PKHD1: variants seen among roughly 807,000 people sequenced by gnomAD.
The protein encoded by PKHD1 is fibrocystin.
PKHD1 carries 291 observed loss-of-function variants against 412.0 expected under a neutral mutation model. That is an observed-to-expected ratio of 0.71 (90% CI 0.64 to 0.78). The LOEUF (loss-of-function observed/expected upper bound fraction) is 0.78. PKHD1 is among the 30% of genes least tolerant of loss of function. PKHD1 has a pLI of 0.00. For missense variants in PKHD1, 4,825 were observed against 4,950.7 expected, an observed-to-expected ratio of 0.97 and a Z score of 0.76; for synonymous variants, 1,777 against 1,821.5, an observed-to-expected ratio of 0.98 and a Z score of 0.62.
intron 66 of PKHD1, among the ~76,000 whole-genome samples, chr6:51,626,342 C>G (rs979765889): frequency 2.0e-5 from 3 of 152,186 alleles, no homozygotes; most frequent in African/African-American, 7.2e-5. Context: ...CATACCCATA[C>G]TTGGCAAAGC....
chr6:51,709,930 T>C lies in PKHD1; in HGVS notation c.10156+34455A>G, dbSNP rs112083393. Among the ~76,000 whole-genome samples the C allele has an allele frequency of 7.0e-3, 1,058 of 151,570 alleles. 5 individuals carry two copies. Among genetic ancestry groups the C allele is most frequent in the Non-Finnish European group, 0.013 (867 of 67,970 alleles). On this transcript the variant is annotated intron_variant, in intron 60 of 66. Transcript: ENST00000371117. ...CAGGACTGATTTAAAAGGAATTGGC[T>C]GGGCACGGTGGCTCATGCCTGTAAT...
chr6:52,051,095 G>A (rs1033737771), intron 21 of PKHD1, among the ~76,000 whole-genome samples: 1 of 152,184 alleles, frequency 6.6e-6, no homozygotes, highest in South Asian at 2.1e-4. Flanking sequence ...CATAGACTAG[G>A]TGGTCAATAA....
In PKHD1 at chr6:51,917,159, G is replaced by A. The variant is rs139703563; in HGVS notation, c.6122-4583C>T. 8.9e-5 allele frequency among the ~76,000 whole-genome samples: 13 copies of A among 146,546 alleles called. No individual in the cohort carries two copies. In the East Asian group the frequency reaches 2.3e-3, roughly 26 times the overall value. ...AAGGCCTTTCAAAATCATTTAGGGT[G>A]GGGGAGGGAGAGAGGGAGAGAGGGA... On this transcript the variant is annotated intron_variant, in intron 37 of 66. Transcript: ENST00000371117.
At chr6:52,046,277 T>G in intron 23 of PKHD1, 89 bp from the exon 24 acceptor site, 1 of 999,238 alleles carries the variant, frequency 1.0e-6, no homozygotes, top group Non-Finnish European at 1.6e-6. Context: ...CGATACATAC[T>G]AGGATGCCTA....
At chr6:52,003,382 A>C (rs527585968) in intron 35 of PKHD1, among the ~76,000 whole-genome samples, 3 of 152,146 alleles carry the variant, frequency 2.0e-5, no homozygotes, top group Admixed American at 2.0e-4. Context: ...ACTTAAGAAA[A>C]TGATCTCTAG....
In PKHD1 at chr6:51,627,142, T is replaced by C. The variant is rs749928670; in HGVS notation, c.11666-26A>G. 16 of 1,599,388 alleles carry C rather than the reference T, an allele frequency of 1.0e-5. No homozygotes were observed. The African/African-American group carries it at 2.1e-4, about 21-fold the overall frequency. Reference sequence around the variant, plus strand: ...CTGTATTAATGGAGAAGAAAAAGGATTTTTTTGTTCAGTTGTAAGTGGGAC... The same window carrying C: ...CTGTATTAATGGAGAAGAAAAAGGACTTTTTTGTTCAGTTGTAAGTGGGAC... On this transcript the variant is annotated intron_variant, in intron 65 of 66. Coordinates refer to ENST00000371117, the MANE Select transcript of PKHD1 (RefSeq NM_138694.4).
intron 11 of PKHD1, among the ~76,000 whole-genome samples, chr6:52,067,264 CT>C (rs199620465): frequency 2.0e-5 from 3 of 151,436 alleles, no homozygotes; most frequent in Non-Finnish European, 4.4e-5. Flanking sequence ...TTTATAATTT[CT>C]TTTTTTTTAC....
In PKHD1 at chr6:51,868,128, A is replaced by G. The variant is rs767690008; in HGVS notation, c.7487-19T>C. The G allele has an allele frequency of 1.1e-5, 17 of 1,602,598 alleles. No individual in the cohort carries two copies. The Middle Eastern group carries it at 4.9e-4, about 47-fold the overall frequency. On this transcript the variant is annotated intron_variant, in intron 47 of 66. Transcript: ENST00000371117. ...AATCCACCTATAAATTGGAAAACAGAAAGATTATTACACAATGGCACAAAT... is the reference window on the plus strand; with the variant it reads ...AATCCACCTATAAATTGGAAAACAGGAAGATTATTACACAATGGCACAAAT...
intron 64 of PKHD1, among the ~76,000 whole-genome samples, chr6:51,633,914 C>T (rs1768227721): frequency 6.6e-6 from 1 of 151,850 alleles, no homozygotes; most frequent in African/African-American, 2.4e-5. Context: ...TGAAAACTTG[C>T]CTTTAATTTT....
intron 60 of PKHD1, among the ~76,000 whole-genome samples, chr6:51,737,363 G>C (rs150605448): frequency 0.01 from 1,570 of 152,180 alleles, 13 homozygotes; most frequent in Non-Finnish European, 0.016. Context: ...TATTATGAAA[G>C]TGACATTTTG....
chr6:51,893,391 A>G (rs1292472737), intron 43 of PKHD1, among the ~76,000 whole-genome samples: 1 of 152,210 alleles, frequency 6.6e-6, no homozygotes, highest in Admixed American at 6.5e-5. Flanking sequence ...GATCACATAT[A>G]AACACTTTCC....
chr6:52,073,706 T>A (rs1810970720), intron 6 of PKHD1, among the ~76,000 whole-genome samples, 165 bp from the exon 7 acceptor site: 1 of 152,208 alleles, frequency 6.6e-6, no homozygotes, highest in African/African-American at 2.4e-5. Context: ...GTCAAGGGTA[T>A]GATTTAGTGA....
chr6:51,788,483 CACAAGCAGAAG>C (rs1793232588), intron 53 of PKHD1, among the ~76,000 whole-genome samples: 1 of 150,686 alleles, frequency 6.6e-6, no homozygotes, highest in Non-Finnish European at 1.5e-5. Flanking sequence ...CAAATGGTAG[CACAAGCAGAAG>C]ACAGGAGGGA....
chr6:51,791,524 G>A (rs901110570), intron 52 of PKHD1, 151 bp from the exon 53 acceptor site: 10 of 715,802 alleles, frequency 1.4e-5, no homozygotes, highest in Non-Finnish European at 2.4e-5. Flanking sequence ...TCTGCCAAAA[G>A]CTAGGACTTA....
intron 35 of PKHD1, among the ~76,000 whole-genome samples, chr6:51,982,230 T>G (rs1795497464): frequency 3.6e-5 from 1 of 28,068 alleles, no homozygotes; most frequent in Admixed American, 5.4e-4. Flanking sequence ...ATCCGGGAGG[T>G]GAGGGGCGCT....
At chr6:51,971,324 G>A (rs1472170745) in intron 35 of PKHD1, among the ~76,000 whole-genome samples, 4 of 152,150 alleles carry the variant, frequency 2.6e-5, no homozygotes, top group African/African-American at 9.7e-5. Flanking sequence ...CAGAGACCAT[G>A]TTTAGATTTT....
At chr6:51,655,606 C>T (rs754896729) in intron 61 of PKHD1, among the ~76,000 whole-genome samples, 15 of 152,108 alleles carry the variant, frequency 9.9e-5, no homozygotes, top group Non-Finnish European at 2.9e-5. Flanking sequence ...CTTTCTATTG[C>T]TGTATAACAA....
At chr6:51,999,630 C>A (rs1368929129) in intron 35 of PKHD1, among the ~76,000 whole-genome samples, 1 of 152,078 alleles carries the variant, frequency 6.6e-6, no homozygotes, top group Admixed American at 6.5e-5. Context: ...GCTGAATCAA[C>A]AAGAATTAAA....
At chr6:51,657,528 A>G (rs1266224938) in intron 61 of PKHD1, among the ~76,000 whole-genome samples, 1 of 152,006 alleles carries the variant, frequency 6.6e-6, no homozygotes, top group Non-Finnish European at 1.5e-5. Flanking sequence ...CGGATAGAAC[A>G]CATTCCAACA....
Sources: gnomAD v4.1 joint callset for allele counts (sites outside exome capture counted in the v4.1 genomes callset) on GRCh38, gnomAD v4.1.1 for gene constraint, MANE v1.5 for transcripts, NCBI Gene and HGNC (gene_info 2026-07-23, HGNC 2026-07-21) for gene names.